Variants in NLGN1 observed in about 807,000 individuals in gnomAD.
NLGN1 encodes neuroligin-1.
A neutral mutation model predicts 65.5 loss-of-function variants in NLGN1; 12 were observed. That is an observed-to-expected ratio of 0.18 (90% CI 0.12 to 0.30). The LOEUF is 0.30. Among genes scored for constraint, NLGN1 ranks in the 10% least tolerant of loss-of-function variants. The pLI is 1.00. For synonymous variants in NLGN1, 350 were observed against 359.5 expected (o/e 0.97, Z 0.30); for missense variants, 750 against 1,007.1 (o/e 0.74, Z 3.46).
intron 4 of NLGN1, among the ~76,000 whole-genome samples, chr3:173,965,786 T>C (rs931848138): frequency 2.0e-5 from 3 of 152,186 alleles, no homozygotes; most frequent in African/African-American, 7.2e-5. Context: ...TAAAGGTGCA[T>C]TTGCCACACT....
chr3:173,696,706 AATTGAAAGAAC>A (rs1166752247), intron 3 of NLGN1, among the ~76,000 whole-genome samples: 1 of 152,318 alleles, frequency 6.6e-6, no homozygotes, highest in Non-Finnish European at 1.5e-5. Flanking sequence ...GGTCATTGAC[AATTGAAAGAAC>A]ATTAGTCGGG....
At chr3:173,997,183 GATA>G (rs949451164) in intron 4 of NLGN1, among the ~76,000 whole-genome samples, 5 of 151,986 alleles carry the variant, frequency 3.3e-5, no homozygotes, top group South Asian at 2.1e-4. Context: ...AAGTGGATGA[GATA>G]ATAATTATTA....
intron 4 of NLGN1, among the ~76,000 whole-genome samples, chr3:173,952,975 C>T (rs1057307949): frequency 6.6e-6 from 1 of 152,016 alleles, no homozygotes. Context: ...GACGGGGTTT[C>T]ACCATGCTGT....
chr3:173,581,007 A>G (rs1332905426), intron 2 of NLGN1, among the ~76,000 whole-genome samples: 5 of 152,000 alleles, frequency 3.3e-5, no homozygotes, highest in African/African-American at 1.2e-4. Flanking sequence ...CAAATTTCAG[A>G]AATATAATGG....
chr3:173,771,963 A>C (rs1197586760), intron 3 of NLGN1, among the ~76,000 whole-genome samples: 1 of 152,044 alleles, frequency 6.6e-6, no homozygotes, highest in African/African-American at 2.4e-5. Flanking sequence ...GAATTTAACC[A>C]AAAAACAGAA....
chr3:173,695,656 T>C, intron 3 of NLGN1: 1 of 200,352 alleles, frequency 5.0e-6, no homozygotes, highest in Non-Finnish European at 1.1e-5. Flanking sequence ...TACTGTGGAC[T>C]TATAAAAGTC....
At chr3:173,825,545 A>C (rs989524784) in intron 4 of NLGN1, among the ~76,000 whole-genome samples, 4 of 152,076 alleles carry the variant, frequency 2.6e-5, no homozygotes, top group Non-Finnish European at 5.9e-5. Flanking sequence ...AATTATTATT[A>C]GAAAATAATG....
At chr3:173,682,007 G>A (rs1366454946) in intron 3 of NLGN1, among the ~76,000 whole-genome samples, 1 of 152,098 alleles carries the variant, frequency 6.6e-6, no homozygotes, top group Non-Finnish European at 1.5e-5. Flanking sequence ...TTATTTAGTA[G>A]GAAAATAGGC....
rs560693433 is a variant in NLGN1, at chr3:173,881,969, T to C, written c.646+74137T>C. On this transcript the variant is annotated intron_variant, in intron 4 of 6. Coordinates refer to ENST00000457714, the Ensembl canonical transcript of NLGN1. ...GACATCTATAACCTTTTTAAATGTA[T>C]TTCTTAAATAATAAGACTTGAAAGC... Among the ~76,000 whole-genome samples the C allele has an allele frequency of 7.4e-4, 113 of 152,318 alleles. 2 individuals are homozygous for C. Among genetic ancestry groups the C allele is most frequent in the Non-Finnish European group, 1.3e-3 (91 of 68,026 alleles).
intron 4 of NLGN1, among the ~76,000 whole-genome samples, chr3:173,892,999 G>A (rs1432276448): frequency 1.3e-5 from 2 of 152,058 alleles, no homozygotes; most frequent in Non-Finnish European, 2.9e-5. Context: ...CTTGCCTCTT[G>A]TATACCTGCT....
intron 3 of NLGN1, among the ~76,000 whole-genome samples, chr3:173,649,980 T>C (rs1238307393): frequency 6.6e-6 from 1 of 152,122 alleles, no homozygotes; most frequent in Non-Finnish European, 1.5e-5. Flanking sequence ...AAAAGGATAC[T>C]ATATTCTTAA....
At chr3:174,199,139 G>A (rs1010110823) in intron 4 of NLGN1, among the ~76,000 whole-genome samples, 11 of 152,070 alleles carry the variant, frequency 7.2e-5, no homozygotes, top group African/African-American at 1.7e-4. Flanking sequence ...GAGCCACCGC[G>A]CCCGTCCTGC....
chr3:173,536,740 A>AGG (rs1357367056), intron 2 of NLGN1, among the ~76,000 whole-genome samples: 2 of 152,142 alleles, frequency 1.3e-5, no homozygotes, highest in Admixed American at 1.3e-4. Flanking sequence ...AGCCAAGAGT[A>AGG]GGGGATATGT....
intron 3 of NLGN1, among the ~76,000 whole-genome samples, chr3:173,710,341 T>C (rs1010375730): frequency 6.6e-6 from 1 of 152,204 alleles, no homozygotes; most frequent in African/African-American, 2.4e-5. Flanking sequence ...TAAGCTGTAT[T>C]TCCACTCACA....
In NLGN1 at chr3:173,641,802, A is replaced by G. The variant is rs1049236479; in HGVS notation, c.493+36711A>G. Among the ~76,000 whole-genome samples the G allele has an allele frequency of 2.0e-5, 3 of 152,190 alleles. No individual in the cohort carries two copies. The East Asian group carries it at 5.8e-4, about 29-fold the overall frequency. On this transcript the variant is annotated intron_variant, in intron 3 of 6. Coordinates refer to ENST00000457714, the Ensembl canonical transcript of NLGN1. ...GGCTAGAGCCTGTGAAGCAAATCCAATCTACTTCCTGGTTTTGTAAATAAT... is the reference window on the plus strand; with the variant it reads ...GGCTAGAGCCTGTGAAGCAAATCCAGTCTACTTCCTGGTTTTGTAAATAAT...
chr3:173,927,425 T>C (rs1743211969), intron 4 of NLGN1, among the ~76,000 whole-genome samples: 2 of 152,076 alleles, frequency 1.3e-5, no homozygotes, highest in African/African-American at 2.4e-5. Flanking sequence ...CCAAAGTCTC[T>C]CATCTAGTGT....
intron 4 of NLGN1, among the ~76,000 whole-genome samples, chr3:173,937,918 A>G (rs771152165): frequency 2.8e-4 from 42 of 152,204 alleles, no homozygotes; most frequent in Non-Finnish European, 4.4e-4. Context: ...TTAAAATGTA[A>G]TATTTGTAAA....
At chr3:174,110,297 A>G (rs959190021) in intron 4 of NLGN1, among the ~76,000 whole-genome samples, 2 of 151,946 alleles carry the variant, frequency 1.3e-5, no homozygotes, top group Non-Finnish European at 2.9e-5. Context: ...CTCTCAAATG[A>G]ACTAATCATA....
At chr3:174,225,636 C>T (rs1040030329) in intron 4 of NLGN1, among the ~76,000 whole-genome samples, 2 of 151,778 alleles carry the variant, frequency 1.3e-5, no homozygotes, top group Non-Finnish European at 2.9e-5. Context: ...GAGCCTGAGG[C>T]AGGAGAATGG....
Sources: gnomAD v4.1 joint callset for allele counts (sites outside exome capture counted in the v4.1 genomes callset) on GRCh38, gnomAD v4.1.1 for gene constraint, MANE v1.5 for transcripts, NCBI Gene and HGNC (gene_info 2026-07-23, HGNC 2026-07-21) for gene names.